Variants in IQGAP3 observed in about 807,000 individuals in gnomAD.
The protein encoded by IQGAP3 is ras GTPase-activating-like protein IQGAP3.
Under a neutral mutation model 208.2 loss-of-function variants are expected in IQGAP3, and 165 were observed. The observed-to-expected ratio is 0.79, with a 90% confidence interval of 0.70 to 0.90. The LOEUF (loss-of-function observed/expected upper bound fraction) is 0.90, where lower values mean the gene tolerates loss of function less well. Ranked by LOEUF, IQGAP3 falls within the 40% of genes least tolerant of loss-of-function variation. The pLI is 0.00. For synonymous variants in IQGAP3, 703 were observed against 803.6 expected (o/e 0.87, Z 2.12); for missense variants, 1,811 against 2,043.1 (o/e 0.89, Z 2.19).
intron 26 of IQGAP3, 65 bp downstream of exon 26, chr1:156,538,744 C>T: frequency 2.1e-6 from 3 of 1,419,772 alleles, no homozygotes; most frequent in Non-Finnish European, 3.0e-6. Context: ...CCAGTAGGGT[C>T]CAAGACACAG....
chr1:156,566,911 G>A (rs548229703), intron 2 of IQGAP3, among the ~76,000 whole-genome samples: 4 of 149,396 alleles, frequency 2.7e-5, no homozygotes, highest in Admixed American at 2.7e-4. Flanking sequence ...TTGTTGCCCA[G>A]GCTAGAGTGC....
At chr1:156,572,314 T>C (rs1348864529) in intron 1 of IQGAP3, among the ~76,000 whole-genome samples, 179 bp downstream of exon 1, 1 of 152,212 alleles carries the variant, frequency 6.6e-6, no homozygotes, top group Non-Finnish European at 1.5e-5. Context: ...AATGCGCCGC[T>C]CACAGTTCCA....
Position 156,539,856 on chromosome 1 carries a change from G to A in IQGAP3, c.2874C>T (p.His958=), listed in dbSNP as rs1313027737. 6.2e-7 allele frequency: 1 copy of A among 1,614,204 alleles called. No individual in the cohort carries two copies. The highest frequency in any genetic ancestry group is 8.5e-7 in the Non-Finnish European group (1 of 1,180,036). ...EKRQKLEAYQ[H]LFYLLQTQPI... is the part of the protein sequence containing the mutation. ...TGCTAACCTGGAGCAGGTAGAAGAG[G>A]TGTTGGTATGCTTCTAGTTTCTGCC... The change falls in exon 24 of 38, where the codon CAC becomes CAT. Residue 958 remains histidine, a synonymous_variant. Transcript: ENST00000361170.
At position 156,566,051 on chromosome 1, in the gene IQGAP3, T is replaced by A. The variant is rs1406641736; in HGVS notation, c.336A>T (p.Ala112=). Residue 112 remains alanine, a synonymous_variant, in exon 4 of 38, where the codon GCA becomes GCT. Coordinates refer to ENST00000361170, the MANE Select transcript of IQGAP3 (RefSeq NM_178229.5). ...CCGAAGGCAGACCGATGTGGGCTATTGCAGATAGCCAAAAGTTGATGTTGT... is the reference window on the plus strand; with the variant it reads ...CCGAAGGCAGACCGATGTGGGCTATAGCAGATAGCCAAAAGTTGATGTTGT... ...HTDNINFWLS[A]IAHIGLPSTF... 3 of 1,613,750 alleles carry A rather than the reference T, an allele frequency of 1.9e-6. No individual in the cohort carries two copies. The highest frequency in any genetic ancestry group is 2.5e-6 in the Non-Finnish European group (3 of 1,179,654).
Position 156,534,136 on chromosome 1 carries a change from A to G in IQGAP3, c.3746T>C (p.Phe1249Ser). The G allele has an allele frequency of 1.9e-6, 3 of 1,613,598 alleles. No homozygotes were observed. Among genetic ancestry groups the G allele is most frequent in the Non-Finnish European group, 2.5e-6 (3 of 1,180,008 alleles). Reference protein sequence around the residue: ...LEETHLKFRKFIHRACQVPEP... With the variant: ...LEETHLKFRKSIHRACQVPEP... Reference sequence around the variant, plus strand: ...TGGCACCTGGCAGGCTCTATGGATGAACTTCCTGTCCAGAGGGCGGGCATG... The same window carrying G: ...TGGCACCTGGCAGGCTCTATGGATGGACTTCCTGTCCAGAGGGCGGGCATG... Residue 1249 changes from phenylalanine (F) to serine (S), a missense_variant, in exon 30 of 38, where the codon TTC becomes TCC. Phe to Ser is a radical substitution (Grantham distance 155). Transcript: ENST00000361170.
chr1:156,542,310 C>T (rs924745019), intron 22 of IQGAP3, among the ~76,000 whole-genome samples: 2 of 152,190 alleles, frequency 1.3e-5, no homozygotes, highest in African/African-American at 4.8e-5. Flanking sequence ...CTGCCTCAGC[C>T]TCCCAAGTAG....
At chr1:156,569,635 C>T (rs1218651651) in intron 1 of IQGAP3, among the ~76,000 whole-genome samples, 172 bp from the exon 2 acceptor site, 1 of 146,884 alleles carries the variant, frequency 6.8e-6, no homozygotes, top group East Asian at 2.0e-4. Context: ...TCTCCTGCGT[C>T]AGCCTCCCGA....
intron 37 of IQGAP3, 90 bp from the exon 38 acceptor site, chr1:156,526,689 T>C: frequency 1.2e-6 from 1 of 848,336 alleles, no homozygotes; most frequent in Non-Finnish European, 2.0e-6. Context: ...CATGGGGCCT[T>C]CTGCAGTCAC....
chr1:156,570,943 A>C (rs1434712843), intron 1 of IQGAP3, among the ~76,000 whole-genome samples: 2 of 152,246 alleles, frequency 1.3e-5, no homozygotes, highest in Non-Finnish European at 2.9e-5. Flanking sequence ...CTTAAGGAAT[A>C]AATAGGCGGA....
intron 15 of IQGAP3, among the ~76,000 whole-genome samples, chr1:156,551,348 C>T (rs1227586452): frequency 6.6e-6 from 1 of 152,168 alleles, no homozygotes; most frequent in Non-Finnish European, 1.5e-5. Context: ...TTTGTCAATT[C>T]ATTTGATTTT....
intron 32 of IQGAP3, 57 bp from the exon 33 acceptor site, chr1:156,531,304 A>T (rs1410849017): frequency 9.8e-6 from 13 of 1,325,420 alleles, no homozygotes; most frequent in Admixed American, 3.4e-5. Context: ...GGGCCTGGAC[A>T]TGGGACTGGC....
chr1:156,537,751 T>C (rs1167456086), intron 26 of IQGAP3, among the ~76,000 whole-genome samples: 1 of 152,184 alleles, frequency 6.6e-6, no homozygotes, highest in Non-Finnish European at 1.5e-5. Context: ...TAGGTTTCCC[T>C]AGCACCTAGG....
At chr1:156,539,789 G>A in intron 24 of IQGAP3, 49 bp downstream of exon 24, 1 of 1,601,618 alleles carries the variant, frequency 6.2e-7, no homozygotes, top group South Asian at 1.1e-5. Context: ...TGAAGTCTCA[G>A]ACCCTCAGGA....
rs78915915 is a variant in IQGAP3, at chr1:156,547,638, C to T, written c.2304+435G>A. Among the ~76,000 whole-genome samples the T allele has an allele frequency of 7.2e-3, 1,103 of 152,282 alleles. 6 individuals are homozygous for T. Among genetic ancestry groups the T allele is most frequent in the South Asian group, 0.031 (149 of 4,830 alleles). ...CAGCTAAATCTTATTTCACTCTTCC[C>T]TTGGGGAAGCTAAGAAGCAGCTCTC... is the stretch of plus-strand genomic sequence containing the variant. On this transcript the variant is annotated intron_variant, in intron 19 of 37. Transcript: ENST00000361170.
At chr1:156,549,520 T>C (rs900508045) in intron 16 of IQGAP3, among the ~76,000 whole-genome samples, 5 of 150,370 alleles carry the variant, frequency 3.3e-5, no homozygotes, top group African/African-American at 7.3e-5. Context: ...TGGTAGCGCA[T>C]GCCTGTCCTC....
chr1:156,569,215 T>C (rs565507289), intron 2 of IQGAP3, among the ~76,000 whole-genome samples, 161 bp downstream of exon 2: 3 of 86,700 alleles, frequency 3.5e-5, no homozygotes, highest in Admixed American at 1.5e-4. Flanking sequence ...AGGATGTGAC[T>C]GGGATTTGCT....
intron 3 of IQGAP3, 62 bp downstream of exon 3, chr1:156,566,328 G>A (rs747258180): frequency 3.9e-6 from 6 of 1,526,878 alleles, no homozygotes; most frequent in Non-Finnish European, 5.4e-6. Flanking sequence ...TACCCTCACA[G>A]CTTTGAGGAG....
At position 156,526,354 on chromosome 1, in the gene IQGAP3, G is replaced by C. The variant is rs1375862501; in HGVS notation, c.*132C>G. ...GGCAGGCAAGCTCCTCCCAGCTGGG[G>C]AAGGGGTGAGAATCCCTGGGCCTTG... On this transcript the variant is annotated 3_prime_UTR_variant, in exon 38 of 38. Transcript: ENST00000361170. 2.9e-5 allele frequency: 19 copies of C among 656,484 alleles called. No homozygotes were observed. The East Asian group carries it at 5.1e-4, about 18-fold the overall frequency. The allele number at this position is 656,484 out of a possible 1,614,324, so 40.7% of individuals were successfully genotyped here. A position where few individuals can be genotyped will look rare whatever the true frequency, so the allele number is the denominator to read the frequency against.
chr1:156,532,071 C>A lies in IQGAP3; in HGVS notation c.4104-824G>T, dbSNP rs116173880. Among the ~76,000 whole-genome samples, 1,421 of 152,220 alleles carry A rather than the reference C, an allele frequency of 9.3e-3. 24 individuals carry two copies. The highest frequency in any genetic ancestry group is 0.032 in the African/African-American group (1,334 of 41,536). On this transcript the variant is annotated intron_variant, in intron 32 of 37. Coordinates refer to ENST00000361170, the MANE Select transcript of IQGAP3 (RefSeq NM_178229.5). ...GGGAAGAAGAGCTCCATGCCCATCTCCTGACCATCACACTCAACAAGAATG... is the reference window on the plus strand; with the variant it reads ...GGGAAGAAGAGCTCCATGCCCATCTACTGACCATCACACTCAACAAGAATG...
Sources: allele counts gnomAD v4.1 joint callset (sites outside exome capture counted in the v4.1 genomes callset), GRCh38; gene constraint gnomAD v4.1.1; transcripts MANE v1.5; gene names NCBI Gene and HGNC (gene_info 2026-07-23, HGNC 2026-07-21).